SIM2: variants seen among roughly 807,000 people sequenced by gnomAD.
SIM2 encodes the protein SIM bHLH transcription factor 2, also known as single-minded homolog 2.
In SIM2, 28 loss-of-function variants were observed where a neutral mutation model predicts 64.8. The observed-to-expected ratio is 0.43, with a 90% confidence interval of 0.32 to 0.59. SIM2 has a LOEUF of 0.59. SIM2 is among the 20% of genes least tolerant of loss of function. SIM2 has a pLI of 0.07. For synonymous variants in SIM2, 408 were observed against 391.1 expected (o/e 1.04, Z -0.51); for missense variants, 847 against 871.4 (o/e 0.97, Z 0.35).
rs991788855 is a variant in SIM2, at chr21:36,748,024, A to C, written c.1936A>C (p.Thr646Pro). 2 of 1,173,760 alleles carry C rather than the reference A, an allele frequency of 1.7e-6. No individual in the cohort carries two copies. Among genetic ancestry groups the C allele is most frequent in the African/African-American group, 3.3e-5 (2 of 61,072 alleles). 72.7% of individuals were successfully genotyped at this position (1,173,760 alleles called of 1,614,324 possible). ...GCTCCGGCACCCGAGCCCCGCCGCCACCTCCCCGCCCGGCGCGCCCCTGCC... is the reference window on the plus strand; with the variant it reads ...GCTCCGGCACCCGAGCCCCGCCGCCCCCTCCCCGCCCGGCGCGCCCCTGCC... ...LRLRHPSPAATSPPGAPLPHY... is the reference protein window; with the variant it reads ...LRLRHPSPAAPSPPGAPLPHY... Residue 646 changes from threonine (T) to proline (P), a missense_variant, in exon 11 of 11, where the codon ACC (threonine) becomes CCC (proline). Thr to Pro is a conservative substitution (Grantham distance 38). Transcript: ENST00000290399.
chr21:36,744,685 C>A, intron 9 of SIM2, 43 bp from the exon 10 acceptor site: 1 of 1,518,304 alleles, frequency 6.6e-7, no homozygotes. Flanking sequence ...CAGCTTCCTG[C>A]CGGCCCCTCG....
chr21:36,709,257 C>A lies in SIM2; in HGVS notation c.258+7C>A, dbSNP rs749287123. On this transcript the variant is annotated splice_region_variant and intron_variant, in intron 2 of 10. Transcript: ENST00000290399. ...GGGATCGCACTTGCTGCAGGTAGAG[C>A]GGCCTCGCCGGGGGAGGAGCGCAGC... 1.1e-5 allele frequency: 18 copies of A among 1,587,530 alleles called. No individual in the cohort carries two copies. Among genetic ancestry groups the A allele is most frequent in the Non-Finnish European group, 1.4e-5 (16 of 1,167,818 alleles).
chr21:36,744,636 G>A, intron 9 of SIM2, 92 bp from the exon 10 acceptor site: 1 of 1,456,696 alleles, frequency 6.9e-7, no homozygotes, highest in Non-Finnish European at 9.1e-7. Flanking sequence ...CTTGGATGGG[G>A]TTGGGCCCCG....
At chr21:36,723,876 T>C (rs2088856014) in intron 5 of SIM2, among the ~76,000 whole-genome samples, 1 of 152,182 alleles carries the variant, frequency 6.6e-6, no homozygotes, top group Admixed American at 6.5e-5. Flanking sequence ...GGGGGAAGTC[T>C]GTGCTGAGTG....
chr21:36,723,540 G>A (rs2088851964), intron 5 of SIM2, among the ~76,000 whole-genome samples: 3 of 152,226 alleles, frequency 2.0e-5, no homozygotes, highest in Non-Finnish European at 2.9e-5. Context: ...TGCCGCCGAT[G>A]ACGGTGTGCA....
At chr21:36,708,988 A>T (rs1363732663) in intron 1 of SIM2, among the ~76,000 whole-genome samples, 180 bp from the exon 2 acceptor site, 1 of 151,486 alleles carries the variant, frequency 6.6e-6, no homozygotes, top group Non-Finnish European at 1.5e-5. Flanking sequence ...TTTTTAACAG[A>T]GGGCAAAGGG....
chr21:36,735,180 G>C (rs1416671772), intron 7 of SIM2, among the ~76,000 whole-genome samples: 1 of 152,152 alleles, frequency 6.6e-6, no homozygotes, highest in African/African-American at 2.4e-5. Context: ...GCAGCTCTCA[G>C]GGGGCCTTGA....
rs1055295542 is a variant in SIM2 at position 36,739,117 on chromosome 21, G to A, written c.851-2600G>A. Among the ~76,000 whole-genome samples, 3 of 152,196 alleles carry A rather than the reference G, an allele frequency of 2.0e-5. No individual in the cohort carries two copies. In the South Asian group the frequency reaches 6.2e-4, roughly 31 times the overall value. On this transcript the variant is annotated intron_variant, in intron 7 of 10. Coordinates refer to ENST00000290399, the MANE Select transcript of SIM2 (RefSeq NM_005069.6). ...GAAATTTAGAAAGTCAAGGAAAGCT[G>A]AAAAGAAGAAAGTGAAAATTATCTG...
At chr21:36,717,524 T>C (rs1055240625) in intron 3 of SIM2, among the ~76,000 whole-genome samples, 14 of 151,100 alleles carry the variant, frequency 9.3e-5, no homozygotes, top group Non-Finnish European at 1.8e-4. Context: ...GTCGGCTTAC[T>C]GCAAACTGCG....
chr21:36,726,379 G>C lies in SIM2; in HGVS notation c.743+61G>C, dbSNP rs555733318. Reference sequence around the variant, plus strand: ...CTGGAAGACACCGGTGGTGGAAATGGGTCCCTGAAAGCTGCCATCTTGGCC... The same window carrying C: ...CTGGAAGACACCGGTGGTGGAAATGCGTCCCTGAAAGCTGCCATCTTGGCC... On this transcript the variant is annotated intron_variant, in intron 6 of 10. Coordinates refer to ENST00000290399, the MANE Select transcript of SIM2 (RefSeq NM_005069.6). This position sits in a 1 kb window ranked among gnomAD's most constrained non-coding sequence, Gnocchi z 4.5. 2.0e-6 allele frequency: 3 copies of C among 1,487,568 alleles called. No individual in the cohort carries two copies. Among genetic ancestry groups the C allele is most frequent in the Admixed American group, 3.8e-5 (2 of 53,010 alleles). The allele number at this position is 1,487,568 out of a possible 1,614,324, so 92.1% of individuals were successfully genotyped here. A position where few individuals can be genotyped will look rare whatever the true frequency, so the allele number is the denominator to read the frequency against.
At chr21:36,703,058 G>T (rs773058416) in intron 1 of SIM2, among the ~76,000 whole-genome samples, 6 of 152,128 alleles carry the variant, frequency 3.9e-5, no homozygotes, top group Non-Finnish European at 8.8e-5. Flanking sequence ...AGGCTCTGTA[G>T]CAAGGGCAAT....
intron 8 of SIM2, 90 bp downstream of exon 8, chr21:36,741,954 T>A: frequency 7.9e-7 from 1 of 1,266,412 alleles, no homozygotes; most frequent in Non-Finnish European, 1.1e-6. Flanking sequence ...TCTCTTTCTC[T>A]CTTTCTCAAA....
At chr21:36,704,805 TCGG>T (rs2088556457) in intron 1 of SIM2, among the ~76,000 whole-genome samples, 1 of 152,106 alleles carries the variant, frequency 6.6e-6, no homozygotes, top group African/African-American at 2.4e-5. Context: ...CCCCTCCCCA[TCGG>T]CCGCGGGAGG....
rs575040244 is a variant in SIM2 at position 36,745,168 on chromosome 21, A to G, written c.1576+32A>G. On this transcript the variant is annotated intron_variant, in intron 10 of 10. Coordinates refer to ENST00000290399, the MANE Select transcript of SIM2 (RefSeq NM_005069.6). The surrounding 1 kb of genome is among the most constrained non-coding windows in gnomAD (Gnocchi z 4.8). ...CAGGTCTGCTCGTGGGGAAGGTGGGAGGACTGCGCACGGCCGGGAGCCGAA... is the reference window on the plus strand; with the variant it reads ...CAGGTCTGCTCGTGGGGAAGGTGGGGGGACTGCGCACGGCCGGGAGCCGAA... 5 of 1,589,166 alleles carry G rather than the reference A, an allele frequency of 3.1e-6. No individual in the cohort carries two copies. Among genetic ancestry groups the G allele is most frequent in the Non-Finnish European group, 4.3e-6 (5 of 1,167,306 alleles).
At chr21:36,709,143 C>A in intron 1 of SIM2, 25 bp from the exon 2 acceptor site, 1 of 1,595,734 alleles carries the variant, frequency 6.3e-7, no homozygotes, top group Non-Finnish European at 8.5e-7. Flanking sequence ...TGCAGTTTAC[C>A]GATTTGCTTT....
intron 3 of SIM2, among the ~76,000 whole-genome samples, chr21:36,713,261 T>C (rs1601691007): frequency 6.6e-6 from 1 of 152,198 alleles, no homozygotes; most frequent in Admixed American, 6.5e-5. Flanking sequence ...TCTGGAAAGA[T>C]GGAATCATCT....
rs149689316 is a variant in SIM2 at position 36,711,560 on chromosome 21, G to A, written c.259-973G>A. 5.9e-5 allele frequency among the ~76,000 whole-genome samples: 9 copies of A among 152,312 alleles called. No individual in the cohort carries two copies. The East Asian group carries it at 1.5e-3, about 26-fold the overall frequency. Reference sequence around the variant, plus strand: ...CTTTTTAGCCCCCTCTCTAGGGGTGGAGGGGGTGGCTTAGAAAAACCAAAG... The same window carrying A: ...CTTTTTAGCCCCCTCTCTAGGGGTGAAGGGGGTGGCTTAGAAAAACCAAAG... On this transcript the variant is annotated intron_variant, in intron 2 of 10. Transcript: ENST00000290399.
At position 36,736,634 on chromosome 21, in the gene SIM2, C is replaced by T. The variant is rs185096440; in HGVS notation, c.851-5083C>T. Among the ~76,000 whole-genome samples the T allele has an allele frequency of 2.6e-4, 39 of 152,206 alleles. No homozygotes were observed. In the East Asian group the frequency reaches 7.6e-3, roughly 30 times the overall value. On this transcript the variant is annotated intron_variant, in intron 7 of 10. Coordinates refer to ENST00000290399, the MANE Select transcript of SIM2 (RefSeq NM_005069.6). Reference sequence around the variant, plus strand: ...CGGACCAGAGAAGGGGGCATGCGGGCGTCATGTCGGTGTGGTCTGGGTGTC... The same window carrying T: ...CGGACCAGAGAAGGGGGCATGCGGGTGTCATGTCGGTGTGGTCTGGGTGTC...
At position 36,745,646 on chromosome 21, in the gene SIM2, C is replaced by T; in HGVS notation, c.1576+510C>T. 3 of 1,161,868 alleles carry T rather than the reference C, an allele frequency of 2.6e-6. No individual in the cohort carries two copies. The highest frequency in any genetic ancestry group is 3.3e-6 in the Non-Finnish European group (3 of 916,624). The allele number at this position is 1,161,868 out of a possible 1,614,324, so 72.0% of individuals were successfully genotyped here. ...ACTCACCAACCCAGGGCAAAGAACA[C>T]AAACCCTCCAGGCCTCAGTTTCTTC... On this transcript the variant is annotated intron_variant, in intron 10 of 10. Transcript: ENST00000290399. This position sits in a 1 kb window ranked among gnomAD's most constrained non-coding sequence, Gnocchi z 4.8.
Sources: gnomAD v4.1 joint callset for allele counts (sites outside exome capture counted in the v4.1 genomes callset) on GRCh38, gnomAD v4.1.1 for gene constraint, Gnocchi (gnomAD v3.1) non-coding constraint, MANE v1.5 for transcripts, NCBI Gene and HGNC (gene_info 2026-07-23, HGNC 2026-07-21) for gene names.